The following SHANK2 variants were observed in gnomAD, a reference collection of about 807,000 sequenced individuals.
SHANK2 encodes the protein SH3 and multiple ankyrin repeat domains 2.
Under a neutral mutation model 133.7 loss-of-function variants are expected in SHANK2, and 43 were observed. The ratio of observed to expected loss-of-function variants is 0.32; its 90% confidence interval spans 0.25 to 0.41. The LOEUF (loss-of-function observed/expected upper bound fraction) is 0.41. Among genes scored for constraint, SHANK2 ranks in the 10% least tolerant of loss-of-function variants. SHANK2 has a pLI of 1.00. For missense variants in SHANK2, 1,994 were observed against 2,235.8 expected, an observed-to-expected ratio of 0.89 and a Z score of 2.18; for synonymous variants, 1,017 against 952.8, an observed-to-expected ratio of 1.07 and a Z score of -1.24.
intron 13 of SHANK2, among the ~76,000 whole-genome samples, chr11:70,800,328 A>G (rs1368915788): frequency 6.6e-6 from 1 of 152,224 alleles, no homozygotes; most frequent in Non-Finnish European, 1.5e-5. Context: ...GCCGGTCTGT[A>G]TCTTACTTAG....
At chr11:70,789,427 C>T (rs1947739997) in intron 14 of SHANK2, among the ~76,000 whole-genome samples, 1 of 152,126 alleles carries the variant, frequency 6.6e-6, no homozygotes, top group Non-Finnish European at 1.5e-5. Context: ...GCAGACTTAC[C>T]CCACAAGAGT....
At chr11:70,701,805 T>C (rs1422006632) in intron 14 of SHANK2, among the ~76,000 whole-genome samples, 2 of 152,134 alleles carry the variant, frequency 1.3e-5, no homozygotes, top group Non-Finnish European at 2.9e-5. Context: ...ACAGTTATAC[T>C]TGGGCTCTGG....
chr11:71,224,845 G>A (rs541157610), intron 1 of SHANK2, 49 bp from the exon 2 acceptor site: 1 of 152,322 alleles, frequency 6.6e-6, no homozygotes, highest in African/African-American at 2.4e-5. Flanking sequence ...AGACTGTTGA[G>A]AGGCACATGT....
intron 17 of SHANK2, among the ~76,000 whole-genome samples, chr11:70,618,000 A>C (rs1271967376): frequency 6.6e-6 from 1 of 152,184 alleles, no homozygotes; most frequent in Admixed American, 6.5e-5. Context: ...ATAATAAAAA[A>C]AAGATGTTTG....
intron 15 of SHANK2, among the ~76,000 whole-genome samples, chr11:70,664,464 C>T (rs182139468): frequency 8.5e-5 from 13 of 152,252 alleles, no homozygotes; most frequent in African/African-American, 2.4e-4. Context: ...TGAGGGTGAC[C>T]GCCTCCCTGA....
chr11:71,190,351 C>T (rs1280853875), intron 2 of SHANK2, among the ~76,000 whole-genome samples: 1 of 152,186 alleles, frequency 6.6e-6, no homozygotes, highest in African/African-American at 2.4e-5. Context: ...AATAACCAGG[C>T]CCTAGAGGCA....
At position 70,759,122 on chromosome 11, in the gene SHANK2, G is replaced by A. The variant is rs370241308; in HGVS notation, c.1777+39321C>T. On this transcript the variant is annotated intron_variant, in intron 14 of 25. Coordinates refer to ENST00000601538, the MANE Select transcript of SHANK2 (RefSeq NM_012309.5). ...GCAGTGAGCAGTGAGCCGAGATCAC[G>A]CCACTGCACTCCAGCCTGGGCAACA... Among the ~76,000 whole-genome samples the A allele has an allele frequency of 2.0e-4, 30 of 150,950 alleles. No individual in the cohort carries two copies. In the East Asian group the frequency reaches 4.8e-3, roughly 24 times the overall value.
chr11:70,520,039 C>T (rs1184701787), intron 17 of SHANK2, among the ~76,000 whole-genome samples: 5 of 151,964 alleles, frequency 3.3e-5, no homozygotes, highest in South Asian at 2.1e-4. Context: ...TAAGCCACCA[C>T]GCCTGGTCTA....
At chr11:70,727,683 G>A (rs1449859191) in intron 14 of SHANK2, among the ~76,000 whole-genome samples, 1 of 152,144 alleles carries the variant, frequency 6.6e-6, no homozygotes, top group Non-Finnish European at 1.5e-5. Flanking sequence ...TAAAAATGAG[G>A]TGGCCCATGT....
intron 11 of SHANK2, among the ~76,000 whole-genome samples, chr11:70,889,782 G>A (rs1261663574): frequency 6.6e-6 from 1 of 152,318 alleles, no homozygotes; most frequent in East Asian, 1.9e-4. Context: ...GTCAGGACCA[G>A]GACCAGGACC....
intron 1 of SHANK2, among the ~76,000 whole-genome samples, chr11:71,238,356 G>T (rs571206750): frequency 5.3e-5 from 8 of 152,334 alleles, no homozygotes; most frequent in African/African-American, 1.9e-4. Flanking sequence ...GCGGTACGTG[G>T]ATGCTTACCA....
At chr11:71,086,273 GTTATAT>G (rs1951413168) in intron 8 of SHANK2, among the ~76,000 whole-genome samples, 2 of 20,622 alleles carry the variant, frequency 9.7e-5, no homozygotes, top group Non-Finnish European at 1.5e-4. Flanking sequence ...TATTATATAT[GTTATAT>G]TATATATGTT....
intron 17 of SHANK2, among the ~76,000 whole-genome samples, chr11:70,547,726 G>A (rs61490880): frequency 0.15 from 23,508 of 152,132 alleles, 2,012 homozygotes; most frequent in East Asian, 0.36. Flanking sequence ...TGGGACCCCC[G>A]CTTGAATAGC....
At chr11:70,892,604 G>A (rs781833976) in intron 11 of SHANK2, among the ~76,000 whole-genome samples, 7 of 152,168 alleles carry the variant, frequency 4.6e-5, no homozygotes, top group Non-Finnish European at 8.8e-5. Flanking sequence ...GATGGACATG[G>A]GGTTGAAATC....
At chr11:71,245,834 C>T (rs1005261000) in intron 1 of SHANK2, among the ~76,000 whole-genome samples, 10 of 152,238 alleles carry the variant, frequency 6.6e-5, no homozygotes, top group East Asian at 1.9e-4. Context: ...AGGAGCAAGG[C>T]GTGGTCCCTT....
At chr11:70,603,881 G>A (rs1047941005) in intron 17 of SHANK2, 13 of 152,750 alleles carry the variant, frequency 8.5e-5, no homozygotes, top group Admixed American at 3.9e-4. Context: ...CAGGAATGCT[G>A]AGCAGATGGT....
chr11:70,707,350 C>T (rs564868436), intron 14 of SHANK2, among the ~76,000 whole-genome samples: 99 of 119,602 alleles, frequency 8.3e-4, no homozygotes, highest in Non-Finnish European at 1.4e-3. Context: ...TCAGCCTGGG[C>T]GACAGAGTGA....
chr11:71,165,737 G>A (rs1555110702), intron 2 of SHANK2, among the ~76,000 whole-genome samples: 1 of 152,296 alleles, frequency 6.6e-6, no homozygotes, highest in African/African-American at 2.4e-5. Flanking sequence ...CTCAGCCAAG[G>A]TTGAGAACTG....
At chr11:70,480,788 C>T (rs1555151341) in intron 25 of SHANK2, among the ~76,000 whole-genome samples, 1 of 152,220 alleles carries the variant, frequency 6.6e-6, no homozygotes, top group African/African-American at 2.4e-5. Context: ...TAGAAAGTAG[C>T]TCAGTGAACT....
Sources: gnomAD v4.1 joint callset for allele counts (sites outside exome capture counted in the v4.1 genomes callset) on GRCh38, gnomAD v4.1.1 for gene constraint, MANE v1.5 for transcripts, NCBI Gene and HGNC (gene_info 2026-07-23, HGNC 2026-07-21) for gene names.